The following PRKD1 variants were observed in gnomAD, a reference collection of about 807,000 sequenced individuals.
PRKD1 encodes the protein protein kinase D1.
Under a neutral mutation model 95.9 loss-of-function variants are expected in PRKD1, and 63 were observed. The observed-to-expected ratio is 0.66, with a 90% CI of 0.54 to 0.81. PRKD1 has a LOEUF of 0.81. Among genes scored for constraint, PRKD1 ranks in the 30% least tolerant of loss-of-function variants. The pLI, the probability that PRKD1 is intolerant of heterozygous loss-of-function variation, is 0.00. For missense variants in PRKD1, 1,048 were observed against 1,165.3 expected, an observed-to-expected ratio of 0.90 and a Z score of 1.47; for synonymous variants, 425 against 423.1, an observed-to-expected ratio of 1.00 and a Z score of -0.05.
chr14:29,709,534 G>C (rs142877939), intron 2 of PRKD1, among the ~76,000 whole-genome samples: 131 of 152,266 alleles, frequency 8.6e-4, no homozygotes, highest in Non-Finnish European at 3.7e-4. Context: ...GAAATAGATA[G>C]ATACAGATGC....
intron 1 of PRKD1, among the ~76,000 whole-genome samples, chr14:29,856,051 C>T (rs1231875303): frequency 6.6e-6 from 1 of 152,150 alleles, no homozygotes; most frequent in Non-Finnish European, 1.5e-5. Context: ...TCTCTTCCTT[C>T]AGTTTGGCTT....
rs145214332 is a variant in PRKD1, at chr14:29,859,465, G to A, written c.264+67784C>T. 8.4e-3 allele frequency among the ~76,000 whole-genome samples: 1,271 copies of A among 152,068 alleles called. 7 individuals carry two copies. Among genetic ancestry groups the A allele is most frequent in the Admixed American group, 0.015 (227 of 15,274 alleles). The stretch of plus-strand genomic sequence containing the variant: ...CTACTAAAAATACAAAAAATTAGCC[G>A]GGCATAGTGGCGGGCGCCTGTGGTC... On this transcript the variant is annotated intron_variant, in intron 1 of 17. Coordinates refer to ENST00000331968, the MANE Select transcript of PRKD1 (RefSeq NM_002742.3).
chr14:29,660,376 CA>C (rs1882125268), intron 4 of PRKD1, among the ~76,000 whole-genome samples: 1 of 152,178 alleles, frequency 6.6e-6, no homozygotes, highest in Admixed American at 6.5e-5. Context: ...TGTTCTACAT[CA>C]GGGGTGCTCA....
At chr14:29,582,311 C>T (rs1485676014) in intron 16 of PRKD1, among the ~76,000 whole-genome samples, 1 of 152,052 alleles carries the variant, frequency 6.6e-6, no homozygotes, top group African/African-American at 2.4e-5. Context: ...CCATTCTTTC[C>T]CCCTTTTAGA....
At chr14:29,600,890 T>G (rs1485259570) in intron 13 of PRKD1, among the ~76,000 whole-genome samples, 1 of 152,046 alleles carries the variant, frequency 6.6e-6, no homozygotes, top group Admixed American at 6.5e-5. Flanking sequence ...CCTTTACCTT[T>G]TTTCTCTGCA....
chr14:29,764,537 C>A (rs1213404543), intron 1 of PRKD1, among the ~76,000 whole-genome samples: 1 of 152,150 alleles, frequency 6.6e-6, no homozygotes, highest in Non-Finnish European at 1.5e-5. Flanking sequence ...CAAGGTGCAG[C>A]AGTTTGATGT....
chr14:29,676,177 GTTTTTGT>G (rs1342854697), intron 2 of PRKD1, among the ~76,000 whole-genome samples: 5 of 104,758 alleles, frequency 4.8e-5, no homozygotes, highest in South Asian at 3.5e-4. Context: ...AGTTCATTAC[GTTTTTGT>G]TTTTTTTTTT....
intron 1 of PRKD1, among the ~76,000 whole-genome samples, chr14:29,880,095 A>G (rs545131037): frequency 6.6e-6 from 1 of 152,348 alleles, no homozygotes; most frequent in Admixed American, 6.5e-5. Flanking sequence ...TTGCATAAGT[A>G]GCAAGGAGCC....
At chr14:29,785,757 G>T (rs886754425) in intron 1 of PRKD1, among the ~76,000 whole-genome samples, 3 of 151,590 alleles carry the variant, frequency 2.0e-5, no homozygotes, top group African/African-American at 4.8e-5. Context: ...CACCAGCATG[G>T]CACATGTATA....
intron 4 of PRKD1, among the ~76,000 whole-genome samples, chr14:29,661,224 T>C (rs531901969): frequency 2.0e-3 from 308 of 152,338 alleles, no homozygotes; most frequent in African/African-American, 7.0e-3. Flanking sequence ...AACTTTCTCA[T>C]ATTTGAGAGA....
chr14:29,717,552 G>C (rs1238173557), intron 2 of PRKD1, among the ~76,000 whole-genome samples: 1 of 151,986 alleles, frequency 6.6e-6, no homozygotes, highest in Non-Finnish European at 1.5e-5. Context: ...ACATAAATAT[G>C]ATGCATATTT....
chr14:29,605,139 G>C (rs1893659710), intron 13 of PRKD1, among the ~76,000 whole-genome samples: 1 of 151,884 alleles, frequency 6.6e-6, no homozygotes, highest in African/African-American at 2.4e-5. Flanking sequence ...CTTTTACAGG[G>C]ATCCACCACA....
chr14:29,893,042 C>T (rs1893994198), intron 1 of PRKD1, among the ~76,000 whole-genome samples: 1 of 152,162 alleles, frequency 6.6e-6, no homozygotes, highest in South Asian at 2.1e-4. Context: ...TATTGACTTT[C>T]TTCTGAAATG....
In PRKD1 at chr14:29,614,949, C is replaced by T. The variant is rs557746445; in HGVS notation, c.1905+9203G>A. 3.5e-4 allele frequency among the ~76,000 whole-genome samples: 52 copies of T among 148,744 alleles called. 1 individual carries two copies. Among genetic ancestry groups the T allele is most frequent in the African/African-American group, 1.2e-3 (48 of 39,798 alleles). On this transcript the variant is annotated intron_variant, in intron 13 of 17. Transcript: ENST00000331968. ...CTGGTCTTGAACTACTGAGCTCAGGCAGTCTGCCCGCCTCGGCCTCCCAAA... is the reference window on the plus strand; with the variant it reads ...CTGGTCTTGAACTACTGAGCTCAGGTAGTCTGCCCGCCTCGGCCTCCCAAA...
intron 4 of PRKD1, among the ~76,000 whole-genome samples, chr14:29,644,697 T>G (rs2139156409): frequency 6.6e-6 from 1 of 152,234 alleles, no homozygotes; most frequent in South Asian, 2.1e-4. Flanking sequence ...CATTATCTAG[T>G]TCAGCCGAAG....
At chr14:29,751,365 G>A (rs970510733) in intron 1 of PRKD1, among the ~76,000 whole-genome samples, 1 of 152,138 alleles carries the variant, frequency 6.6e-6, no homozygotes, top group African/African-American at 2.4e-5. Flanking sequence ...GGCTTCTGGG[G>A]AATCTTTTTC....
chr14:29,643,650 C>T (rs1260362950), intron 4 of PRKD1, among the ~76,000 whole-genome samples: 1 of 152,156 alleles, frequency 6.6e-6, no homozygotes, highest in Non-Finnish European at 1.5e-5. Context: ...TTTAATAGGA[C>T]TGAAATAATT....
intron 1 of PRKD1, among the ~76,000 whole-genome samples, chr14:29,794,019 GTC>G (rs1485298330): frequency 1.3e-5 from 2 of 152,052 alleles, no homozygotes; most frequent in African/African-American, 4.8e-5. Context: ...CCGTGTGCAA[GTC>G]TCTGCTGTGC....
chr14:29,812,741 G>T (rs1333295968), intron 1 of PRKD1, among the ~76,000 whole-genome samples: 1 of 152,106 alleles, frequency 6.6e-6, no homozygotes, highest in African/African-American at 2.4e-5. Flanking sequence ...CTCCACACAT[G>T]GGAATTACAA....
Sources: allele counts gnomAD v4.1 joint callset (sites outside exome capture counted in the v4.1 genomes callset), GRCh38; gene constraint gnomAD v4.1.1; transcripts MANE v1.5; gene names NCBI Gene and HGNC (gene_info 2026-07-23, HGNC 2026-07-21).